TET3: variants seen among roughly 807,000 people sequenced by gnomAD.
TET3 encodes methylcytosine dioxygenase TET3.
Under a neutral mutation model 141.4 loss-of-function variants are expected in TET3, and 19 were observed. The ratio of observed to expected loss-of-function variants is 0.13; its 90% CI spans 0.09 to 0.20. The LOEUF (loss-of-function observed/expected upper bound fraction) is 0.20, where lower values mean the gene tolerates loss of function less well. TET3 is among the 10% of genes least tolerant of loss of function. The pLI, the probability that TET3 is intolerant of heterozygous loss-of-function variation, is 1.00. For missense variants in TET3, 1,874 were observed against 2,356.9 expected (o/e 0.80, Z 4.24); for synonymous variants, 1,043 against 980.9 (o/e 1.06, Z -1.18).
intron 3 of TET3, among the ~76,000 whole-genome samples, chr2:74,014,830 G>A (rs1419557875): frequency 6.6e-6 from 1 of 152,116 alleles, no homozygotes; most frequent in African/African-American, 2.4e-5. Context: ...TGGTCCAGTT[G>A]GGATCCTTCA....
intron 2 of TET3, among the ~76,000 whole-genome samples, chr2:73,988,865 G>C (rs776411666): frequency 1.3e-5 from 2 of 148,476 alleles, no homozygotes; most frequent in Non-Finnish European, 3.0e-5. Flanking sequence ...TTTAAAATAC[G>C]CTTTCTTAAA....
chr2:74,037,673 A>G (rs573836566), intron 3 of TET3, among the ~76,000 whole-genome samples: 1 of 152,324 alleles, frequency 6.6e-6, no homozygotes, highest in South Asian at 2.1e-4. Flanking sequence ...CTTCTTGGAC[A>G]TGGTTCTTCT....
intron 3 of TET3, among the ~76,000 whole-genome samples, chr2:74,011,206 C>A (rs187537202): frequency 7.9e-6 from 1 of 126,798 alleles, no homozygotes; most frequent in Admixed American, 9.3e-5. Flanking sequence ...CCAGCCTGGG[C>A]GACAGAGAGA....
intron 3 of TET3, among the ~76,000 whole-genome samples, chr2:74,018,606 T>A (rs1685859553): frequency 6.6e-6 from 1 of 152,210 alleles, no homozygotes; most frequent in Non-Finnish European, 1.5e-5. Context: ...CCTTAAGCAT[T>A]TCATAAGTAC....
chr2:74,034,556 G>T (rs1573746632), intron 3 of TET3, among the ~76,000 whole-genome samples: 1 of 142,098 alleles, frequency 7.0e-6, no homozygotes. Flanking sequence ...TAGGACATAT[G>T]TAGTCCTCGA....
chr2:74,010,773 G>T (rs1018532970), intron 3 of TET3, among the ~76,000 whole-genome samples: 4 of 152,160 alleles, frequency 2.6e-5, no homozygotes, highest in African/African-American at 9.7e-5. Context: ...TAATTTTATT[G>T]ATCAATACAG....
At position 74,047,121 on chromosome 2, in the gene TET3, C is replaced by T. The variant is rs368083613; in HGVS notation, c.1204C>T (p.Arg402Trp). The T allele has an allele frequency of 2.0e-5, 32 of 1,613,844 alleles. No homozygotes were observed. Among genetic ancestry groups the T allele is most frequent in the East Asian group, 4.5e-5 (2 of 44,882 alleles). Residue 402 changes from arginine (R) to tryptophan (W), a missense_variant, in exon 4 of 12, where the codon CGG (arginine) becomes TGG (tryptophan). Transcript: ENST00000409262. The stretch of plus-strand genomic sequence containing the variant: ...TTTCAGATCTCCCCAGTCTTACCTC[C>T]GGGCTCCCTCATGGCCTGTGGTTCC... Reference protein sequence around the residue: ...APFRSPQSYLRAPSWPVVPPE... With the variant: ...APFRSPQSYLWAPSWPVVPPE...
intron 5 of TET3, among the ~76,000 whole-genome samples, chr2:74,075,871 G>A (rs546956361): frequency 1.2e-4 from 18 of 152,214 alleles, no homozygotes; most frequent in Middle Eastern, 3.4e-3. Flanking sequence ...CAGTGTTGTC[G>A]TGCTTGCCTG....
intron 4 of TET3, among the ~76,000 whole-genome samples, chr2:74,056,029 C>G (rs1221660293): frequency 1.3e-5 from 2 of 152,156 alleles, no homozygotes; most frequent in African/African-American, 4.8e-5. Context: ...AGAAAATGGA[C>G]TAAGAAACTG....
chr2:74,058,006 A>G lies in TET3; in HGVS notation c.2494+9595A>G, dbSNP rs184522736. Among the ~76,000 whole-genome samples the G allele has an allele frequency of 3.4e-4, 52 of 152,366 alleles. 2 individuals are homozygous for G. In the East Asian group the frequency reaches 9.6e-3, roughly 28 times the overall value. ...GTTTAAACCGCTGATTTATATCTTC[A>G]GGGAAGTTGAAGAAAACAGTCGCTA... On this transcript the variant is annotated intron_variant, in intron 4 of 11. Transcript: ENST00000409262.
chr2:74,062,952 C>T (rs1445670508), intron 4 of TET3, among the ~76,000 whole-genome samples: 5 of 146,858 alleles, frequency 3.4e-5, no homozygotes, highest in African/African-American at 1.0e-4. Context: ...GGCGCGATCT[C>T]GTCTCATTGC....
the TET3 span, among the ~76,000 whole-genome samples, chr2:74,124,329 C>T: frequency 3.6e-4 from 55 of 151,166 alleles, no homozygotes; most frequent in Admixed American, 1.5e-3. Flanking sequence ...AGCCCCTGCC[C>T]GGCCAGCCGC....
Position 74,100,555 on chromosome 2 carries a change from G to C in TET3, c.3767G>C (p.Ser1256Thr), listed in dbSNP as rs1225332938. The C allele has an allele frequency of 6.2e-7, 1 of 1,613,092 alleles. No individual in the cohort carries two copies. Among genetic ancestry groups the C allele is most frequent in the East Asian group, 2.2e-5 (1 of 44,884 alleles). ...CCCTCCGACCCTTACAGCATGAACA[G>C]CGTGTACTCCTACCACTCCTACTAT... ...CRPSDPYSMN[S>T]VYSYHSYYAQ... Residue 1256 changes from serine (S) to threonine (T), a missense_variant, in exon 12 of 12, where the codon AGC becomes ACC. Transcript: ENST00000409262.
chr2:74,111,173 T>C (rs1691695769), downstream of TET3, among the ~76,000 whole-genome samples: 4 of 152,162 alleles, frequency 2.6e-5, no homozygotes, highest in South Asian at 8.3e-4. Context: ...CTTTGTGACC[T>C]CTTGTCCTTT....
chr2:74,134,657 G>A, the TET3 span: 2 of 456,484 alleles, frequency 4.4e-6, no homozygotes, highest in East Asian at 1.4e-4. Flanking sequence ...AAATAATTTA[G>A]TGAAAGTCTG....
upstream of TET3, among the ~76,000 whole-genome samples, chr2:73,984,323 C>T (rs1402138998): frequency 6.6e-6 from 1 of 152,242 alleles, no homozygotes; most frequent in African/African-American, 2.4e-5. This position sits in a 1 kb window ranked among gnomAD's most constrained non-coding sequence, Gnocchi z 5.6. Flanking sequence ...CGGCCGTGAC[C>T]CCTGCGAGGG....
intron 2 of TET3, among the ~76,000 whole-genome samples, chr2:73,992,471 G>A (rs1469009038): frequency 6.6e-6 from 1 of 151,940 alleles, no homozygotes; most frequent in African/African-American, 2.4e-5. Flanking sequence ...GTGCCATCAC[G>A]CCTGGCTAAT....
intron 2 of TET3, among the ~76,000 whole-genome samples, chr2:73,994,638 C>CTTTCTTTCT (rs1553412093): frequency 1.4e-4 from 14 of 96,752 alleles, no homozygotes; most frequent in African/African-American, 7.8e-4. Context: ...TTCTTTCTTT[C>CTTTCTTTCT]TTTTTTTTTT....
rs1259752268 is a variant in TET3, at chr2:73,986,292, T to A, written c.-112T>A. 1 of 1,021,212 alleles carries A rather than the reference T, an allele frequency of 9.8e-7. No individual in the cohort carries two copies. Among genetic ancestry groups the A allele is most frequent in the Non-Finnish European group, 1.3e-6 (1 of 796,634 alleles). The allele number at this position is 1,021,212 out of a possible 1,614,324, so 63.3% of individuals were successfully genotyped here. On this transcript the variant is annotated 5_prime_UTR_variant, in exon 2 of 12. The change creates a new upstream start codon in the 5' untranslated region. Transcript: ENST00000409262. ...AGACTGAAGCCACTTGCCTTCACCC[T>A]TGTAGACTCTTGACTGTTCTAGGCG...
Sources: gnomAD v4.1 joint callset for allele counts (sites outside exome capture counted in the v4.1 genomes callset) on GRCh38, gnomAD v4.1.1 for gene constraint, Gnocchi (gnomAD v3.1) non-coding constraint, MANE v1.5 for transcripts, NCBI Gene and HGNC (gene_info 2026-07-23, HGNC 2026-07-21) for gene names.